The following TGM5 variants were observed in gnomAD, a reference collection of about 807,000 sequenced individuals.
TGM5 encodes the protein transglutaminase 5.
In TGM5, 69 loss-of-function variants were observed where a neutral mutation model predicts 77.2. The ratio of observed to expected loss-of-function variants is 0.89; its 90% CI spans 0.74 to 1.09. The LOEUF is 1.09. TGM5 is among the 50% of genes least tolerant of loss of function. TGM5 has a pLI of 0.00. For missense variants in TGM5, 842 were observed against 896.5 expected, an observed-to-expected ratio of 0.94 and a Z score of 0.78; for synonymous variants, 346 against 351.8, an observed-to-expected ratio of 0.98 and a Z score of 0.18.
At position 43,260,458 on chromosome 15, in the gene TGM5, G is replaced by C; in HGVS notation, c.132C>G (p.Tyr44Ter). The C allele has an allele frequency of 6.2e-7, 1 of 1,614,196 alleles. No homozygotes were observed. The highest frequency in any genetic ancestry group is 8.5e-7 in the Non-Finnish European group (1 of 1,180,040). ...RRGQAFNLTLYFRNRSFQPGL... is the reference protein window; with the variant it reads ...RRGQAFNLTL ...CTGGCTGGAAGCTCCGGTTCCTGAA[G>C]TACAGGGTGAGGTTGAAGGCCTGGC... Residue 44 changes from tyrosine to a stop codon, truncating the protein, a stop_gained, in exon 2 of 13, where the codon TAC (tyrosine) becomes TAG (stop). Transcript: ENST00000220420. LOFTEE classifies it high-confidence loss of function.
At chr15:43,263,555 TG>T (rs1201820552) in intron 1 of TGM5, among the ~76,000 whole-genome samples, 1 of 152,182 alleles carries the variant, frequency 6.6e-6, no homozygotes, top group Non-Finnish European at 1.5e-5. Context: ...GACAATTCAA[TG>T]GGGGAAAGAA....
intron 3 of TGM5, among the ~76,000 whole-genome samples, chr15:43,258,825 C>T (rs524547): frequency 0.42 from 63,641 of 151,966 alleles, 15,542 homozygotes; most frequent in African/African-American, 0.67. Flanking sequence ...CCATCATTAA[C>T]GCTTTTCTCC....
At chr15:43,251,138 T>C (rs1489009318) in intron 6 of TGM5, among the ~76,000 whole-genome samples, 1 of 152,106 alleles carries the variant, frequency 6.6e-6, no homozygotes. Context: ...AAGGACTCAG[T>C]CCTCTCACTT....
intron 7 of TGM5, 152 bp from the exon 8 acceptor site, chr15:43,239,418 A>G: frequency 1.3e-6 from 1 of 750,930 alleles, no homozygotes; most frequent in South Asian, 1.5e-5. Flanking sequence ...ACGATGGCTC[A>G]TGCCAGTAAT....
At chr15:43,236,578 C>T (rs2042591997) in intron 9 of TGM5, among the ~76,000 whole-genome samples, 1 of 152,210 alleles carries the variant, frequency 6.6e-6, no homozygotes, top group African/African-American at 2.4e-5. Context: ...GCCACAACTT[C>T]CTGAGGCAGA....
At chr15:43,243,098 C>T (rs2042648698) in intron 6 of TGM5, among the ~76,000 whole-genome samples, 1 of 152,192 alleles carries the variant, frequency 6.6e-6, no homozygotes, top group South Asian at 2.1e-4. Flanking sequence ...CACCCTAACA[C>T]AGGTAACTGG....
chr15:43,260,202 C>G lies in TGM5; in HGVS notation c.286G>C (p.Gly96Arg), dbSNP rs753139413. ...SPWIAWLETNGATSTEVSLCA... is the reference protein window; with the variant it reads ...SPWIAWLETNRATSTEVSLCA... ...AAGCTCACCTCTGTGGAGGTGGCCC[C>G]ATTGGTCTCCAGCCAGGCAATCCAG... The change falls in exon 3 of 13, where the codon GGG (glycine) becomes CGG (arginine). Residue 96 changes from glycine (G) to arginine (R), a missense_variant. By Grantham distance (125) the Gly-to-Arg change is moderately radical. Coordinates refer to ENST00000220420, the MANE Select transcript of TGM5 (RefSeq NM_201631.4). 6.2e-7 allele frequency: 1 copy of G among 1,614,016 alleles called. No individual in the cohort carries two copies. The highest frequency in any genetic ancestry group is 1.1e-5 in the South Asian group (1 of 91,090).
rs1421873292 is a variant in TGM5 at position 43,260,567 on chromosome 15, G to T, written c.23C>A (p.Ala8Asp). The T allele has an allele frequency of 6.2e-7, 1 of 1,613,900 alleles. No homozygotes were observed. Among genetic ancestry groups the T allele is most frequent in the Non-Finnish European group, 8.5e-7 (1 of 1,179,922 alleles). Residue 8 changes from alanine (A) to aspartate (D), a missense_variant, in exon 2 of 13, where the codon GCC becomes GAC. By Grantham distance (126) the Ala-to-Asp change is moderately radical. Transcript: ENST00000220420. ...TCTGGAGCTCTGGAGGTCTGTGAGG[G>T]CCACTTCTAGCCCTGCAATGGGGCA... MAQGLEV[A>D]LTDLQSSRNN...
chr15:43,253,485 C>G (rs2241517), intron 5 of TGM5, 21 bp downstream of exon 5: 4 of 1,609,166 alleles, frequency 2.5e-6, no homozygotes, highest in Non-Finnish European at 2.5e-6. Context: ...CCTCCCTCCC[C>G]GGGCACGCCA....
chr15:43,235,338 G>T, intron 10 of TGM5, 131 bp downstream of exon 10: 1 of 1,227,712 alleles, frequency 8.1e-7, no homozygotes. Flanking sequence ...GGGAAGGAGG[G>T]GAATCGTGCC....
chr15:43,260,046 C>G lies in TGM5; in HGVS notation c.436+6G>C, dbSNP rs1386374707. On this transcript the variant is annotated splice_donor_region_variant and intron_variant, in intron 3 of 12. Coordinates refer to ENST00000220420, the MANE Select transcript of TGM5 (RefSeq NM_201631.4). ...AGGAGGGCACCGCCTGGGCACCCAG[C>G]CTTACCTGGGCACCAGGGATTGAAA... The G allele has an allele frequency of 6.2e-7, 1 of 1,613,248 alleles. No individual in the cohort carries two copies. The highest frequency in any genetic ancestry group is 1.3e-5 in the African/African-American group (1 of 74,908).
chr15:43,234,742 C>A (rs1596437980), intron 11 of TGM5, 27 bp downstream of exon 11: 1 of 1,614,018 alleles, frequency 6.2e-7, no homozygotes, highest in Non-Finnish European at 8.5e-7. Context: ...AGGAGCCCCA[C>A]AAGCCATTTG....
chr15:43,243,549 G>T (rs1003214290), intron 6 of TGM5, among the ~76,000 whole-genome samples: 38 of 152,286 alleles, frequency 2.5e-4, no homozygotes, highest in African/African-American at 7.7e-4. Context: ...TACATAGGGG[G>T]TGAAGCCAAG....
rs774026449 is a variant in TGM5, at chr15:43,235,464, C to T, written c.1714+5G>A. The T allele has an allele frequency of 2.5e-5, 41 of 1,613,968 alleles. No individual in the cohort carries two copies. The South Asian group carries it at 3.4e-4, about 13-fold the overall frequency. On this transcript the variant is annotated splice_donor_5th_base_variant and intron_variant, in intron 10 of 12. Transcript: ENST00000220420. ...TCTGCGTACACAAACTGTGCACATG[C>T]GTACCTTCTTTAGGAGAGAGTGTGA...
At position 43,234,946 on chromosome 15, in the gene TGM5, AG is replaced by A; in HGVS notation, c.1715-18del. On this transcript the variant is annotated intron_variant, in intron 10 of 12. Transcript: ENST00000220420. Reference sequence around the variant, plus strand: ...AGGTCTTTGCTAAAGAAAGAACACAAGGATGGGGTGAGAGTAGCTGAGAAAA... The same window carrying A: ...AGGTCTTTGCTAAAGAAAGAACACAAGATGGGGTGAGAGTAGCTGAGAAAA... The A allele has an allele frequency of 6.2e-7, 1 of 1,613,522 alleles. No individual in the cohort carries two copies. The highest frequency in any genetic ancestry group is 8.5e-7 in the Non-Finnish European group (1 of 1,179,870).
At chr15:43,247,929 A>G (rs1337342902) in intron 6 of TGM5, 1 of 152,244 alleles carries the variant, frequency 6.6e-6, no homozygotes, top group Non-Finnish European at 1.5e-5. Context: ...CTACATATTA[A>G]ACACATTAAA....
chr15:43,263,295 T>C (rs954487748), intron 1 of TGM5, among the ~76,000 whole-genome samples: 1 of 152,138 alleles, frequency 6.6e-6, no homozygotes, highest in Non-Finnish European at 1.5e-5. Context: ...TTCAACACAA[T>C]CCCTAACAAA....
At chr15:43,255,229 G>T (rs1388604121) in intron 4 of TGM5, among the ~76,000 whole-genome samples, 2 of 152,116 alleles carry the variant, frequency 1.3e-5, no homozygotes. Flanking sequence ...AGCTACTCAG[G>T]AGGCTGAGGT....
chr15:43,261,190 C>T (rs546712425), intron 1 of TGM5, among the ~76,000 whole-genome samples: 19 of 150,522 alleles, frequency 1.3e-4, no homozygotes, highest in African/African-American at 4.1e-4. Flanking sequence ...CCCGGGTTCA[C>T]GCCATTCTCC....
Sources: allele counts gnomAD v4.1 joint callset (sites outside exome capture counted in the v4.1 genomes callset), GRCh38; gene constraint gnomAD v4.1.1; transcripts MANE v1.5; gene names NCBI Gene and HGNC (gene_info 2026-07-23, HGNC 2026-07-21).